Variants in RBFOX3 observed in about 807,000 individuals in gnomAD.
RBFOX3 encodes the protein RNA binding protein fox-1 homolog 3.
RBFOX3 carries 17 observed loss-of-function variants against 48.7 expected under a neutral mutation model. That is an observed-to-expected ratio of 0.35 (90% CI 0.24 to 0.52). RBFOX3 has a LOEUF of 0.52. RBFOX3 is among the 20% of genes least tolerant of loss of function. RBFOX3 has a pLI of 0.94. For synonymous variants in RBFOX3, 212 were observed against 209.5 expected (o/e 1.01, Z -0.10); for missense variants, 382 against 497.5 (o/e 0.77, Z 2.21).
chr17:79,093,145 G>T (rs1259614571), intron 14 of RBFOX3, among the ~76,000 whole-genome samples: 2 of 152,128 alleles, frequency 1.3e-5, no homozygotes, highest in Non-Finnish European at 2.9e-5. Context: ...CTCTCTGGGG[G>T]GGTCTCTGGG....
chr17:79,620,573 GCA>G, the RBFOX3 span, among the ~76,000 whole-genome samples: 6 of 85,034 alleles, frequency 7.1e-5, no homozygotes, highest in Middle Eastern at 9.6e-3. Flanking sequence ...ACCCGCGCGT[GCA>G]CACACGCACG....
intron 5 of RBFOX3, among the ~76,000 whole-genome samples, chr17:79,108,929 G>C (rs896869113): frequency 6.6e-6 from 1 of 152,254 alleles, no homozygotes; most frequent in Non-Finnish European, 1.5e-5. Context: ...ACGTGTCCAC[G>C]TTCCTGATGC....
intron 2 of RBFOX3, among the ~76,000 whole-genome samples, chr17:79,468,216 A>G (rs1400953371): frequency 6.6e-6 from 1 of 152,226 alleles, no homozygotes. Context: ...AATGATAGAA[A>G]TTAATGAGTT....
intron 2 of RBFOX3, among the ~76,000 whole-genome samples, chr17:79,444,013 G>C (rs1238024408): frequency 2.0e-5 from 3 of 152,302 alleles, no homozygotes; most frequent in East Asian, 3.9e-4. Flanking sequence ...ACTGAGGCAG[G>C]AAGCAAAGTC....
At chr17:79,633,672 C>G in the RBFOX3 span, among the ~76,000 whole-genome samples, 1 of 151,972 alleles carries the variant, frequency 6.6e-6, no homozygotes, top group African/African-American at 2.4e-5. Flanking sequence ...TGCTTTGTAA[C>G]TGAAATTAGA....
intron 2 of RBFOX3, among the ~76,000 whole-genome samples, chr17:79,321,645 A>C (rs1000256818): frequency 1.3e-5 from 2 of 151,268 alleles, no homozygotes; most frequent in African/African-American, 4.9e-5. Context: ...GGACCCCATA[A>C]GGTGCACAGT....
At chr17:79,262,882 G>A (rs2066025406) in intron 3 of RBFOX3, among the ~76,000 whole-genome samples, 1 of 152,274 alleles carries the variant, frequency 6.6e-6, no homozygotes, top group Non-Finnish European at 1.5e-5. Flanking sequence ...TGGCTGCAAA[G>A]CGCCAGCTCT....
intron 1 of RBFOX3, among the ~76,000 whole-genome samples, chr17:79,567,210 G>T (rs1436969119): frequency 7.6e-6 from 1 of 132,288 alleles, no homozygotes; most frequent in Non-Finnish European, 1.6e-5. Flanking sequence ...TTGAGACAGG[G>T]TCTCACTCTG....
chr17:79,285,934 C>T (rs369565986), intron 3 of RBFOX3, among the ~76,000 whole-genome samples: 5 of 152,294 alleles, frequency 3.3e-5, no homozygotes, highest in South Asian at 4.2e-4. Flanking sequence ...CCACCTACCT[C>T]GGCCTCCCAA....
intron 2 of RBFOX3, among the ~76,000 whole-genome samples, chr17:79,384,140 G>T (rs1356689083): frequency 1.3e-5 from 2 of 152,222 alleles, no homozygotes; most frequent in African/African-American, 2.4e-5. Context: ...GGCCAGGTCA[G>T]GCAGGTCCAG....
chr17:79,197,871 CG>C (rs1273503485), intron 4 of RBFOX3, among the ~76,000 whole-genome samples: 2 of 152,050 alleles, frequency 1.3e-5, no homozygotes, highest in African/African-American at 4.8e-5. Flanking sequence ...AGCAGGGAGC[CG>C]GAAACCCAAA....
intron 2 of RBFOX3, among the ~76,000 whole-genome samples, chr17:79,380,664 C>A (rs1375171969): frequency 6.6e-6 from 1 of 152,188 alleles, no homozygotes; most frequent in African/African-American, 2.4e-5. Flanking sequence ...GGGGCACCAG[C>A]TTTGCACTGA....
intron 1 of RBFOX3, among the ~76,000 whole-genome samples, chr17:79,554,557 ACTT>A (rs2091463222): frequency 6.6e-6 from 1 of 151,754 alleles, no homozygotes; most frequent in Non-Finnish European, 1.5e-5. Context: ...TGTGAGCCTG[ACTT>A]CATTGTGCTG....
chr17:79,344,303 G>A (rs2082540792), intron 2 of RBFOX3, among the ~76,000 whole-genome samples: 2 of 152,100 alleles, frequency 1.3e-5, no homozygotes, highest in African/African-American at 4.8e-5. Flanking sequence ...ATTTGAGTTG[G>A]CATAAATGAA....
rs1040606166 is a variant in RBFOX3 at position 79,501,760 on chromosome 17, T to C, written c.-319-19162A>G. Among the ~76,000 whole-genome samples the C allele has an allele frequency of 9.2e-5, 14 of 152,326 alleles. No homozygotes were observed. The East Asian group carries it at 2.3e-3, about 25-fold the overall frequency. ...GTCAATAGGCTTCAAATTAGACCCA[T>C]CATCTCAGTTTATACAGTATTTAAC... On this transcript the variant is annotated intron_variant, in intron 1 of 14. Coordinates refer to ENST00000693108, the MANE Select transcript of RBFOX3 (RefSeq NM_001350451.2).
At chr17:79,102,773 G>C (rs926192482) in intron 8 of RBFOX3, among the ~76,000 whole-genome samples, 1 of 152,254 alleles carries the variant, frequency 6.6e-6, no homozygotes, top group Admixed American at 6.5e-5. Context: ...GGACAGGTTG[G>C]GGACAGCCGC....
At chr17:79,513,943 G>C (rs2084885294) in intron 1 of RBFOX3, among the ~76,000 whole-genome samples, 1 of 152,210 alleles carries the variant, frequency 6.6e-6, no homozygotes, top group Admixed American at 6.5e-5. Flanking sequence ...AATTTGGCTA[G>C]GGCTGCCAAT....
chr17:79,142,975 G>A (rs564112186), intron 4 of RBFOX3, among the ~76,000 whole-genome samples: 69 of 152,134 alleles, frequency 4.5e-4, no homozygotes, highest in Non-Finnish European at 9.3e-4. Context: ...ACTAGAAGAC[G>A]AAGAGGGAGG....
intron 4 of RBFOX3, among the ~76,000 whole-genome samples, chr17:79,122,441 G>A (rs1270295171): frequency 1.3e-5 from 2 of 152,174 alleles, no homozygotes; most frequent in African/African-American, 2.4e-5. Context: ...TTGGCACACA[G>A]GTGTATAAAA....
Sources: allele counts gnomAD v4.1 joint callset (sites outside exome capture counted in the v4.1 genomes callset), GRCh38; gene constraint gnomAD v4.1.1; transcripts MANE v1.5; gene names NCBI Gene and HGNC (gene_info 2026-07-23, HGNC 2026-07-21).